Variants in NKAIN2 observed in about 807,000 individuals in gnomAD.
NKAIN2 encodes the protein sodium/potassium transporting ATPase interacting 2.
In NKAIN2, 14 loss-of-function variants were observed where a neutral mutation model predicts 32.6. That is an observed-to-expected ratio of 0.43 (90% CI 0.28 to 0.67). The LOEUF (loss-of-function observed/expected upper bound fraction) is 0.67, where lower values mean the gene tolerates loss of function less well. NKAIN2 is among the 30% of genes least tolerant of loss of function. The pLI, the probability that NKAIN2 is intolerant of heterozygous loss-of-function variation, is 0.17. For synonymous variants in NKAIN2, 80 were observed against 87.2 expected, an observed-to-expected ratio of 0.92 and a Z score of 0.46; for missense variants, 198 against 258.3, an observed-to-expected ratio of 0.77 and a Z score of 1.60.
intron 2 of NKAIN2, among the ~76,000 whole-genome samples, chr6:124,323,973 A>G (rs1797312297): frequency 1.3e-5 from 2 of 151,324 alleles, no homozygotes; most frequent in South Asian, 4.2e-4. Flanking sequence ...TTGTATTTTT[A>G]ATGGTGACGG....
intron 1 of NKAIN2, among the ~76,000 whole-genome samples, chr6:124,229,578 T>C (rs1289416178): frequency 1.3e-5 from 2 of 151,430 alleles, no homozygotes; most frequent in Non-Finnish European, 2.9e-5. Context: ...TGGCTCTGTG[T>C]CCCCACCCAA....
chr6:123,925,585 T>TA (rs376619073), intron 1 of NKAIN2, among the ~76,000 whole-genome samples: 8 of 152,130 alleles, frequency 5.3e-5, no homozygotes, highest in African/African-American at 1.7e-4. Flanking sequence ...CTCTGTAATT[T>TA]AAAAAAACAG....
At chr6:124,662,172 G>A (rs1180005739) in intron 4 of NKAIN2, among the ~76,000 whole-genome samples, 1 of 152,172 alleles carries the variant, frequency 6.6e-6, no homozygotes, top group Non-Finnish European at 1.5e-5. Flanking sequence ...GATTAGCTAT[G>A]TCTGCCACAG....
intron 1 of NKAIN2, among the ~76,000 whole-genome samples, chr6:124,028,167 C>T (rs976708641): frequency 1.3e-5 from 2 of 152,060 alleles, no homozygotes; most frequent in African/African-American, 4.8e-5. Context: ...GTATATACTT[C>T]ATCCGCTCTA....
At chr6:124,281,813 T>C (rs937851518) in intron 1 of NKAIN2, among the ~76,000 whole-genome samples, 3 of 152,192 alleles carry the variant, frequency 2.0e-5, no homozygotes, top group African/African-American at 7.2e-5. Context: ...AGATATTTAA[T>C]TTAAAAGCAC....
intron 1 of NKAIN2, among the ~76,000 whole-genome samples, chr6:124,134,739 A>G (rs754223871): frequency 6.6e-6 from 1 of 152,162 alleles, no homozygotes; most frequent in Non-Finnish European, 1.5e-5. Context: ...AATTGAGGAA[A>G]ACTTCCCTGG....
intron 4 of NKAIN2, among the ~76,000 whole-genome samples, chr6:124,717,303 CA>C (rs1423805455): frequency 6.6e-6 from 1 of 152,066 alleles, no homozygotes; most frequent in Non-Finnish European, 1.5e-5. Context: ...AACATTTTCC[CA>C]CTGTCTAAGA....
chr6:124,404,142 C>T (rs1247908822), intron 3 of NKAIN2, among the ~76,000 whole-genome samples: 1 of 152,016 alleles, frequency 6.6e-6, no homozygotes. Flanking sequence ...CATCCTTCAT[C>T]GTGGATGTTT....
chr6:124,193,383 C>A (rs1334375061), intron 1 of NKAIN2, among the ~76,000 whole-genome samples: 1 of 152,172 alleles, frequency 6.6e-6, no homozygotes, highest in Non-Finnish European at 1.5e-5. Context: ...CAGCTCCAGG[C>A]GCCAACATGA....
At chr6:124,579,324 G>A (rs1426230616) in intron 3 of NKAIN2, among the ~76,000 whole-genome samples, 1 of 152,186 alleles carries the variant, frequency 6.6e-6, no homozygotes, top group Admixed American at 6.5e-5. Context: ...ATTTGAAATG[G>A]CTGTTTTGAG....
intron 3 of NKAIN2, among the ~76,000 whole-genome samples, chr6:124,594,311 G>A (rs1298094995): frequency 1.3e-5 from 2 of 152,162 alleles, no homozygotes; most frequent in Non-Finnish European, 2.9e-5. Flanking sequence ...GAGCAAGTCT[G>A]TTTTAGGAAA....
chr6:124,349,817 G>A (rs1332365441), intron 2 of NKAIN2, among the ~76,000 whole-genome samples: 1 of 152,040 alleles, frequency 6.6e-6, no homozygotes, highest in East Asian at 1.9e-4. Context: ...TTCATCATTG[G>A]AGCCACAAAT....
intron 5 of NKAIN2, among the ~76,000 whole-genome samples, chr6:124,797,090 A>G (rs1358571383): frequency 6.7e-6 from 1 of 150,292 alleles, no homozygotes; most frequent in African/African-American, 2.5e-5. Context: ...AACTGTCCTC[A>G]GTGCTTTATT....
intron 3 of NKAIN2, among the ~76,000 whole-genome samples, chr6:124,462,588 G>A (rs1033209111): frequency 6.6e-6 from 1 of 151,874 alleles, no homozygotes; most frequent in East Asian, 1.9e-4. Context: ...ATCTCAGGCT[G>A]CCTGTCCCCA....
At chr6:124,231,368 A>T (rs1025162079) in intron 1 of NKAIN2, among the ~76,000 whole-genome samples, 1 of 152,190 alleles carries the variant, frequency 6.6e-6, no homozygotes, top group East Asian at 1.9e-4. Context: ...TTTTGAGCTA[A>T]TGCTGAAATG....
chr6:123,875,877 C>T (rs1174376345), intron 1 of NKAIN2, among the ~76,000 whole-genome samples: 1 of 151,836 alleles, frequency 6.6e-6, no homozygotes, highest in Non-Finnish European at 1.5e-5. Flanking sequence ...GTGAAATTTC[C>T]TTTACAAAAT....
At chr6:124,109,024 T>C (rs1182106133) in intron 1 of NKAIN2, among the ~76,000 whole-genome samples, 3 of 152,034 alleles carry the variant, frequency 2.0e-5, no homozygotes, top group Non-Finnish European at 2.9e-5. Context: ...CAGGATTGAT[T>C]TTGGCTTTTC....
At chr6:124,299,590 C>T (rs1313857837) in intron 2 of NKAIN2, among the ~76,000 whole-genome samples, 1 of 152,044 alleles carries the variant, frequency 6.6e-6, no homozygotes, top group Admixed American at 6.6e-5. Context: ...AATGTTGTTT[C>T]TATGTCTTAA....
At chr6:124,364,876 T>A (rs1054498807) in intron 3 of NKAIN2, among the ~76,000 whole-genome samples, 8 of 151,968 alleles carry the variant, frequency 5.3e-5, no homozygotes, top group African/African-American at 1.9e-4. Context: ...GGGATTTAAA[T>A]ATTTGTAAAA....
Sources: allele counts gnomAD v4.1 joint callset (sites outside exome capture counted in the v4.1 genomes callset), GRCh38; gene constraint gnomAD v4.1.1; transcripts MANE v1.5; gene names NCBI Gene and HGNC (gene_info 2026-07-23, HGNC 2026-07-21).